The following CES5A variants were observed in gnomAD, a reference collection of about 807,000 sequenced individuals.
The protein encoded by CES5A is carboxylesterase 5.
Under a neutral mutation model 62.9 loss-of-function variants are expected in CES5A, and 67 were observed. The ratio of observed to expected loss-of-function variants is 1.07; its 90% CI spans 0.88 to 1.31. CES5A has a LOEUF of 1.31. Ranked by LOEUF, CES5A falls within the 50% of genes most tolerant of loss-of-function variation. The pLI is 0.00. For missense variants in CES5A, 748 were observed against 708.5 expected, an observed-to-expected ratio of 1.06 and a Z score of -0.63; for synonymous variants, 296 against 280.8, an observed-to-expected ratio of 1.05 and a Z score of -0.54.
intron 5 of CES5A, among the ~76,000 whole-genome samples, chr16:55,865,409 T>C (rs1401055922): frequency 1.3e-5 from 2 of 152,180 alleles, no homozygotes; most frequent in Non-Finnish European, 2.9e-5. Flanking sequence ...GTCAGACTGC[T>C]TTGCAGGCAT....
chr16:55,865,905 A>G, intron 5 of CES5A, 58 bp downstream of exon 5: 1 of 1,593,876 alleles, frequency 6.3e-7, no homozygotes, highest in Non-Finnish European at 8.6e-7. Flanking sequence ...GTGACTCATC[A>G]TCATTTTTGG....
intron 1 of CES5A, among the ~76,000 whole-genome samples, chr16:55,883,289 C>T (rs772457030): frequency 6.6e-5 from 10 of 151,902 alleles, no homozygotes; most frequent in Non-Finnish European, 1.0e-4. Flanking sequence ...TGTTTTGTTT[C>T]GTTTTAGATG....
chr16:55,945,268 G>A (rs2034482317), intron 2 of CES5A, among the ~76,000 whole-genome samples: 2 of 152,188 alleles, frequency 1.3e-5, no homozygotes, highest in Non-Finnish European at 2.9e-5. Flanking sequence ...TTAGGGGTAG[G>A]TACATTATCT....
In CES5A at chr16:55,874,729, A is replaced by G. The variant is rs142085575; in HGVS notation, c.73+420T>C. 2.7e-3 allele frequency among the ~76,000 whole-genome samples: 412 copies of G among 152,322 alleles called. 1 individual carries two copies. Among genetic ancestry groups the G allele is most frequent in the Middle Eastern group, 0.024 (7 of 294 alleles). On this transcript the variant is annotated intron_variant, in intron 1 of 12. Coordinates refer to ENST00000290567, the MANE Select transcript of CES5A (RefSeq NM_001143685.2). ...GGCATGCAGGGGTCTCAGTCACCACACAGAACGTGGAGCCTTGGGAAGGAA... is the reference window on the plus strand; with the variant it reads ...GGCATGCAGGGGTCTCAGTCACCACGCAGAACGTGGAGCCTTGGGAAGGAA...
At chr16:55,865,882 C>T in intron 5 of CES5A, 81 bp downstream of exon 5, 1 of 1,488,278 alleles carries the variant, frequency 6.7e-7, no homozygotes, top group Non-Finnish European at 9.4e-7. Context: ...ATGAAGGCAA[C>T]AATCAAATGT....
chr16:55,909,064 G>A (rs1433988102), intron 1 of CES5A, among the ~76,000 whole-genome samples: 2 of 152,206 alleles, frequency 1.3e-5, no homozygotes, highest in African/African-American at 4.8e-5. Context: ...ATGAGGAGTG[G>A]AGAGAAGTGA....
At chr16:55,857,571 A>G (rs1217081916) in intron 8 of CES5A, among the ~76,000 whole-genome samples, 1 of 152,208 alleles carries the variant, frequency 6.6e-6, no homozygotes, top group Admixed American at 6.5e-5. Flanking sequence ...GCATATTTTA[A>G]CTACTAAAAA....
At chr16:55,936,184 C>G (rs1290466271) in intron 2 of CES5A, among the ~76,000 whole-genome samples, 3 of 152,200 alleles carry the variant, frequency 2.0e-5, no homozygotes, top group African/African-American at 4.8e-5. Flanking sequence ...ATTTCTGGAC[C>G]ATCCTCAGCA....
chr16:55,903,833 A>T (rs919148151), intron 1 of CES5A, among the ~76,000 whole-genome samples: 1 of 152,192 alleles, frequency 6.6e-6, no homozygotes, highest in African/African-American at 2.4e-5. Flanking sequence ...GAAATTGTCT[A>T]GTTGAGAGGG....
chr16:55,900,109 G>A (rs1039587482), intron 1 of CES5A, among the ~76,000 whole-genome samples: 2 of 152,112 alleles, frequency 1.3e-5, no homozygotes, highest in Non-Finnish European at 2.9e-5. Flanking sequence ...CATCCCTAGG[G>A]ACCCTCTCTG....
At chr16:55,942,323 T>A (rs2034454140) in intron 2 of CES5A, among the ~76,000 whole-genome samples, 1 of 152,230 alleles carries the variant, frequency 6.6e-6, no homozygotes. Context: ...CATTTATATC[T>A]GACAAATGAC....
intron 4 of CES5A, 181 bp downstream of exon 4, chr16:55,869,430 T>A: frequency 8.4e-7 from 1 of 1,189,296 alleles, no homozygotes; most frequent in Non-Finnish European, 1.1e-6. Context: ...TTTTATTGTT[T>A]CAAGCCACCA....
At chr16:55,846,938 A>G (rs2033025850) in intron 11 of CES5A, 98 bp from the exon 12 acceptor site, 3 of 984,890 alleles carry the variant, frequency 3.0e-6, no homozygotes, top group African/African-American at 1.6e-5. Context: ...CCCTCCTCCC[A>G]CTGTAAACTT....
At chr16:55,898,477 G>A (rs191537975) in intron 1 of CES5A, among the ~76,000 whole-genome samples, 1 of 152,094 alleles carries the variant, frequency 6.6e-6, no homozygotes, top group African/African-American at 2.4e-5. Context: ...TAAAATAAAA[G>A]CAAATAACCC....
At chr16:55,866,657 C>CAAAAAAAAAAAAAAAAAAAAAA (rs1567330836) in intron 4 of CES5A, among the ~76,000 whole-genome samples, 1 of 69,522 alleles carries the variant, frequency 1.4e-5, no homozygotes, top group African/African-American at 7.0e-5. Context: ...TCTGTCTCTG[C>CAAAAAAAAAAAAAAAAAAAAAA]TAAAAAAAAA....
chr16:55,953,209 T>C (rs1418649630), intron 1 of CES5A, among the ~76,000 whole-genome samples: 1 of 152,206 alleles, frequency 6.6e-6, no homozygotes, highest in Admixed American at 6.5e-5. Flanking sequence ...TTTTATACAA[T>C]AGACCCACAG....
intron 2 of CES5A, 113 bp from the exon 3 acceptor site, chr16:55,871,876 A>C: frequency 9.2e-7 from 1 of 1,086,380 alleles, no homozygotes; most frequent in Non-Finnish European, 1.3e-6. Flanking sequence ...CCTGAGCAGA[A>C]GAGGCAGCTA....
intron 1 of CES5A, among the ~76,000 whole-genome samples, chr16:55,904,068 G>C (rs1451736477): frequency 6.6e-6 from 1 of 152,206 alleles, no homozygotes; most frequent in African/African-American, 2.4e-5. Context: ...TAACAACACA[G>C]CCCCTGCTAA....
At chr16:55,934,965 CAG>C (rs2034356719) in intron 2 of CES5A, among the ~76,000 whole-genome samples, 1 of 152,132 alleles carries the variant, frequency 6.6e-6, no homozygotes, top group Admixed American at 6.5e-5. Context: ...TTTTTTGAGA[CAG>C]AGTCTCACTC....
Sources: gnomAD v4.1 joint callset for allele counts (sites outside exome capture counted in the v4.1 genomes callset) on GRCh38, gnomAD v4.1.1 for gene constraint, MANE v1.5 for transcripts, NCBI Gene and HGNC (gene_info 2026-07-23, HGNC 2026-07-21) for gene names.